KLHL29: variants seen among roughly 807,000 people sequenced by gnomAD.
KLHL29 encodes the protein kelch like family member 29.
A neutral mutation model predicts 80.4 loss-of-function variants in KLHL29; 21 were observed. The ratio of observed to expected loss-of-function variants is 0.26; its 90% confidence interval spans 0.19 to 0.38. KLHL29 has a LOEUF of 0.38. Ranked by LOEUF, KLHL29 falls within the 10% of genes least tolerant of loss-of-function variation. The pLI is 1.00. For missense variants in KLHL29, 867 were observed against 1,223.9 expected, an observed-to-expected ratio of 0.71 and a Z score of 4.35; for synonymous variants, 511 against 526.8, an observed-to-expected ratio of 0.97 and a Z score of 0.41.
chr2:23,672,162 G>C (rs1670782580), intron 5 of KLHL29, among the ~76,000 whole-genome samples: 1 of 152,204 alleles, frequency 6.6e-6, no homozygotes, highest in Non-Finnish European at 1.5e-5. Flanking sequence ...TCCAGGGCCA[G>C]AGCACCCAAC....
rs1444899471 is a variant in KLHL29, at chr2:23,642,766, A to G, written c.856A>G (p.Thr286Ala). 4.5e-6 allele frequency: 7 copies of G among 1,550,058 alleles called. No individual in the cohort carries two copies. The East Asian group carries it at 1.2e-4, about 27-fold the overall frequency. The change falls in exon 5 of 14, where the codon ACA becomes GCA. Residue 286 changes from threonine (T) to alanine (A), a missense_variant. By Grantham distance (58) the Thr-to-Ala change is moderately conservative. This residue lies in a region of KLHL29 where 424 missense variants were observed against 456.9 expected (regional missense o/e 0.93). Transcript: ENST00000486442. ...SGAPATNGPP[T>A]TDSAHGLQML... ...TGCCCCTGCCACCAATGGGCCCCCC[A>G]CAACCGACTCGGCCCACGGGCTGCA...
intron 1 of KLHL29, among the ~76,000 whole-genome samples, chr2:23,412,141 C>T (rs563298228): frequency 6.3e-5 from 8 of 127,704 alleles, no homozygotes; most frequent in African/African-American, 1.2e-4. Flanking sequence ...GGGGGCGGTG[C>T]GGTAGAGGTA....
intron 5 of KLHL29, among the ~76,000 whole-genome samples, chr2:23,652,013 AG>A (rs1670100536): frequency 6.6e-6 from 1 of 152,156 alleles, no homozygotes; most frequent in Admixed American, 6.5e-5. Flanking sequence ...TTGGGGTAGG[AG>A]GGGACACATT....
At chr2:23,621,529 GGAGGAGGAGGAGGAGAT>G (rs1669182048) in intron 3 of KLHL29, among the ~76,000 whole-genome samples, 1 of 151,542 alleles carries the variant, frequency 6.6e-6, no homozygotes, top group Non-Finnish European at 1.5e-5. Flanking sequence ...GAAGAGCTCA[GGAGGAGGAGGAGGAGAT>G]GAGGGGGAGG....
intron 1 of KLHL29, among the ~76,000 whole-genome samples, chr2:23,412,409 G>A (rs1043583529): frequency 2.0e-5 from 3 of 152,178 alleles, no homozygotes; most frequent in African/African-American, 7.2e-5. Context: ...TGGGCACTGG[G>A]GGACAGAGAA....
In KLHL29 at chr2:23,674,032, C is replaced by T. The variant is rs1216690033; in HGVS notation, c.941-10367C>T. Among the ~76,000 whole-genome samples the T allele has an allele frequency of 3.3e-5, 5 of 152,212 alleles. No homozygotes were observed. The South Asian group carries it at 6.2e-4, about 19-fold the overall frequency. On this transcript the variant is annotated intron_variant, in intron 5 of 13. Transcript: ENST00000486442. Reference sequence around the variant, plus strand: ...CACCCCTGCAGCCAGCTGGGGCGCTCCTGCTCACCTTTTGAGTCTTCCCTT... The same window carrying T: ...CACCCCTGCAGCCAGCTGGGGCGCTTCTGCTCACCTTTTGAGTCTTCCCTT...
rs1296143552 is a variant in KLHL29 at position 23,695,707 on chromosome 2, A to G, written c.1627A>G (p.Ile543Val). 6.4e-7 allele frequency: 1 copy of G among 1,551,506 alleles called. No homozygotes were observed. The highest frequency in any genetic ancestry group is 2.4e-5 in the East Asian group (1 of 40,922). The change falls in exon 9 of 14, where the codon ATC (isoleucine) becomes GTC (valine). Residue 543 changes from isoleucine to valine, a missense_variant. Physicochemically the swap from Ile to Val is conservative, Grantham distance 29. Coordinates refer to ENST00000486442, the MANE Select transcript of KLHL29 (RefSeq NM_052920.2). The surrounding 1 kb of genome is among the most constrained non-coding windows in gnomAD (Gnocchi z 7.6). ...LLNVVDNEEL[I>V]KSSEACRDLV... ...CAATGTGGTTGACAATGAAGAGCTG[A>G]TCAAGTCATCAGAAGCCTGCCGGGA...
At chr2:23,581,563 C>T (rs903447352) in intron 3 of KLHL29, among the ~76,000 whole-genome samples, 4 of 152,096 alleles carry the variant, frequency 2.6e-5, no homozygotes, top group South Asian at 2.1e-4. Flanking sequence ...CAGTGGCTCA[C>T]GCCTATAATC....
chr2:23,441,610 C>T (rs1317399676), intron 1 of KLHL29, among the ~76,000 whole-genome samples: 1 of 152,212 alleles, frequency 6.6e-6, no homozygotes, highest in South Asian at 2.1e-4. Flanking sequence ...TTCATGTTTG[C>T]TCTTCATGAT....
intron 2 of KLHL29, among the ~76,000 whole-genome samples, chr2:23,522,080 C>G (rs1666122489): frequency 1.3e-5 from 2 of 152,188 alleles, no homozygotes; most frequent in African/African-American, 4.8e-5. Context: ...AAGGAAGCAT[C>G]CATAGGCTAT....
intron 5 of KLHL29, among the ~76,000 whole-genome samples, chr2:23,661,041 AAG>A (rs542195291): frequency 8.0e-5 from 12 of 149,376 alleles, no homozygotes; most frequent in Admixed American, 1.3e-4. Flanking sequence ...CAGAAAAAAA[AAG>A]AGAGAGAGAG....
intron 2 of KLHL29, among the ~76,000 whole-genome samples, chr2:23,499,232 C>T (rs543454221): frequency 2.4e-4 from 36 of 152,268 alleles, no homozygotes; most frequent in South Asian, 1.7e-3. Flanking sequence ...GGGCTCACTC[C>T]TCCTGCCCAT....
intron 5 of KLHL29, among the ~76,000 whole-genome samples, chr2:23,646,548 G>A (rs944630598): frequency 7.9e-5 from 12 of 152,158 alleles, no homozygotes; most frequent in South Asian, 2.1e-4. Context: ...GTATCTCTTC[G>A]GACTTCATAT....
rs80308748 is a variant in KLHL29, at chr2:23,695,628, G to A, written c.1548G>A (p.Ala516=). 441 of 1,550,110 alleles carry A rather than the reference G, an allele frequency of 2.8e-4. No homozygotes were observed. In the African/African-American group the frequency reaches 4.0e-3, roughly 14 times the overall value. Residue 516 remains alanine (A), a synonymous_variant, in exon 9 of 14, where the codon GCG becomes GCA. Transcript: ENST00000486442. This position sits in a 1 kb window ranked among gnomAD's most constrained non-coding sequence, Gnocchi z 7.6. ...CTGTCTCCTGTACCCTGCAGTACGC[G>A]GCTGAGCTCCTGGCCGTGGTCCGCC... ...KKDPATRTQY[A]AELLAVVRLP...
chr2:23,514,265 G>A (rs1380294789), intron 2 of KLHL29, among the ~76,000 whole-genome samples: 1 of 152,172 alleles, frequency 6.6e-6, no homozygotes, highest in African/African-American at 2.4e-5. Context: ...TGGGCATCAG[G>A]CTTCCCACTT....
At chr2:23,567,933 C>G (rs944011561) in intron 3 of KLHL29, among the ~76,000 whole-genome samples, 1 of 152,190 alleles carries the variant, frequency 6.6e-6, no homozygotes, top group South Asian at 2.1e-4. Context: ...ATAACACAAC[C>G]TGTGCATGTT....
rs115627483 is a variant in KLHL29, at chr2:23,664,182, C to T, written c.941-20217C>T. Among the ~76,000 whole-genome samples the T allele has an allele frequency of 2.2e-3, 340 of 152,222 alleles. 2 individuals are homozygous for T. The highest frequency in any genetic ancestry group is 7.8e-3 in the African/African-American group (322 of 41,518). On this transcript the variant is annotated intron_variant, in intron 5 of 13. Transcript: ENST00000486442. ...TAGAGTTAATCACCTCCCATCGGAA[C>T]GTTTTAAAAAGCTTTTTATTGCATG...
intron 3 of KLHL29, among the ~76,000 whole-genome samples, chr2:23,573,889 C>T (rs1298853743): frequency 6.6e-6 from 1 of 152,186 alleles, no homozygotes; most frequent in Non-Finnish European, 1.5e-5. Flanking sequence ...TGTTTGCACT[C>T]CAGCCCCCGC....
intron 1 of KLHL29, among the ~76,000 whole-genome samples, chr2:23,470,613 G>A (rs1476489813): frequency 6.6e-6 from 1 of 152,174 alleles, no homozygotes; most frequent in East Asian, 1.9e-4. Flanking sequence ...CTCTCAAATC[G>A]GTCAGCCTGG....
Sources: allele counts gnomAD v4.1 joint callset (sites outside exome capture counted in the v4.1 genomes callset), GRCh38; gene constraint gnomAD v4.1.1; regional missense constraint gnomAD v4.1.1; non-coding constraint Gnocchi (gnomAD v3.1); transcripts MANE v1.5; gene names NCBI Gene and HGNC (gene_info 2026-07-23, HGNC 2026-07-21).